STAG1: variants seen among roughly 807,000 people sequenced by gnomAD.
STAG1 encodes the protein STAG1 cohesin complex component.
STAG1 carries 26 observed loss-of-function variants against 170.9 expected under a neutral mutation model. That is an observed-to-expected ratio of 0.15 (90% CI 0.11 to 0.21). The LOEUF (loss-of-function observed/expected upper bound fraction) is 0.21. STAG1 is among the 10% of genes least tolerant of loss of function. The pLI is 1.00. For missense variants in STAG1, 964 were observed against 1,509.5 expected (o/e 0.64, Z 5.99); for synonymous variants, 514 against 497.7 (o/e 1.03, Z -0.44).
chr3:136,704,535 A>G (rs1576787856), intron 1 of STAG1, among the ~76,000 whole-genome samples: 1 of 152,124 alleles, frequency 6.6e-6, no homozygotes, highest in African/African-American at 2.4e-5. Context: ...TTGTTACAAA[A>G]GACAAAGAAT....
At chr3:136,498,392 CA>C (rs961430204) in intron 9 of STAG1, among the ~76,000 whole-genome samples, 37 of 137,828 alleles carry the variant, frequency 2.7e-4, no homozygotes, top group African/African-American at 6.9e-4. Context: ...GATCCGCCCA[CA>C]AAAAAAAAAC....
intron 16 of STAG1, among the ~76,000 whole-genome samples, chr3:136,431,901 T>C (rs2107744717): frequency 6.6e-6 from 1 of 152,310 alleles, no homozygotes; most frequent in Non-Finnish European, 1.5e-5. Context: ...ACTTTTGTGT[T>C]TATTTTATTT....
intron 13 of STAG1, among the ~76,000 whole-genome samples, chr3:136,464,372 G>A (rs561520489): frequency 7.3e-5 from 11 of 151,600 alleles, no homozygotes; most frequent in South Asian, 4.2e-4. Context: ...GTGGTGAGTC[G>A]AGACTGCACC....
At chr3:136,523,810 T>A (rs1372747795) in intron 6 of STAG1, among the ~76,000 whole-genome samples, 3 of 152,200 alleles carry the variant, frequency 2.0e-5, no homozygotes, top group Non-Finnish European at 4.4e-5. Context: ...GCTTTCTACA[T>A]GTGGCTAGCC....
At chr3:136,477,658 G>C (rs1475588871) in intron 9 of STAG1, among the ~76,000 whole-genome samples, 3 of 152,078 alleles carry the variant, frequency 2.0e-5, no homozygotes, top group African/African-American at 7.2e-5. Context: ...CACTGGGCTA[G>C]ACAATGACAT....
intron 6 of STAG1, among the ~76,000 whole-genome samples, chr3:136,521,973 C>A (rs899723553): frequency 6.6e-6 from 1 of 152,212 alleles, no homozygotes. Context: ...ATACACTGGA[C>A]TGATTAAGTT....
At chr3:136,564,590 T>C (rs978795801) in intron 5 of STAG1, among the ~76,000 whole-genome samples, 3 of 152,206 alleles carry the variant, frequency 2.0e-5, no homozygotes, top group Non-Finnish European at 2.9e-5. Context: ...TCTACTGATG[T>C]AAAAGACAGT....
intron 13 of STAG1, among the ~76,000 whole-genome samples, chr3:136,464,019 A>G (rs2089370961): frequency 6.6e-6 from 1 of 151,272 alleles, no homozygotes; most frequent in Non-Finnish European, 1.5e-5. Flanking sequence ...GTTTACATGC[A>G]TACACTCTCA....
chr3:136,694,942 G>GA (rs1942839879), intron 1 of STAG1, among the ~76,000 whole-genome samples: 1 of 152,102 alleles, frequency 6.6e-6, no homozygotes, highest in Non-Finnish European at 1.5e-5. Flanking sequence ...TGGCACCTGA[G>GA]AAATAGAAAA....
At chr3:136,674,566 C>T (rs1451468990) in intron 1 of STAG1, among the ~76,000 whole-genome samples, 1 of 152,122 alleles carries the variant, frequency 6.6e-6, no homozygotes, top group African/African-American at 2.4e-5. Context: ...TTCATCTTGA[C>T]TGGTGGTGGT....
chr3:136,616,727 C>T (rs546161942), intron 3 of STAG1, among the ~76,000 whole-genome samples: 89 of 152,178 alleles, frequency 5.8e-4, no homozygotes, highest in African/African-American at 2.0e-3. Flanking sequence ...GGCAACATGA[C>T]GAAACCTTGC....
intron 3 of STAG1, among the ~76,000 whole-genome samples, chr3:136,608,068 C>A (rs542657524): frequency 3.9e-5 from 6 of 152,004 alleles, no homozygotes; most frequent in Non-Finnish European, 8.8e-5. Context: ...ACCAGCCTGG[C>A]CAACATGGCA....
In STAG1 at chr3:136,727,579, T is replaced by C. The variant is rs191732310; in HGVS notation, c.-84+24616A>G. 1.9e-3 allele frequency among the ~76,000 whole-genome samples: 287 copies of C among 152,324 alleles called. 2 individuals are homozygous for C. Among genetic ancestry groups the C allele is most frequent in the Middle Eastern group, 0.01 (3 of 294 alleles). On this transcript the variant is annotated intron_variant, in intron 1 of 33. Coordinates refer to ENST00000383202, the MANE Select transcript of STAG1 (RefSeq NM_005862.3). ...CCTTTAATCTACCACCAGGTTGGCC[T>C]GAATATAGTTAAGGATGGAACTCTG... is the stretch of plus-strand genomic sequence containing the variant.
intron 6 of STAG1, 79 bp from the exon 7 acceptor site, chr3:136,521,496 A>G (rs1054323490): frequency 1.1e-5 from 13 of 1,226,008 alleles, no homozygotes; most frequent in Non-Finnish European, 1.5e-5. Flanking sequence ...TCCTACCTAC[A>G]TAGGAACCCT....
At chr3:136,477,528 G>T in intron 9 of STAG1, 116 bp from the exon 10 acceptor site, 1 of 893,442 alleles carries the variant, frequency 1.1e-6, no homozygotes, top group Non-Finnish European at 1.6e-6. Flanking sequence ...TTTGCATTCT[G>T]AATGGCCTCC....
chr3:136,702,101 G>A (rs1050412676), intron 1 of STAG1, among the ~76,000 whole-genome samples: 1 of 105,050 alleles, frequency 9.5e-6, no homozygotes, highest in African/African-American at 4.9e-5. Context: ...GAGAGAGAGA[G>A]AGAGAGAGAG....
rs1559933302 is a variant in STAG1, at chr3:136,655,904, C to T, written c.-83-24923G>A. Among the ~76,000 whole-genome samples the T allele has an allele frequency of 2.0e-5, 3 of 152,060 alleles. No individual in the cohort carries two copies. In the South Asian group the frequency reaches 6.2e-4, roughly 32 times the overall value. On this transcript the variant is annotated intron_variant, in intron 1 of 33. Transcript: ENST00000383202. ...ATTAAGAATAGACTTACCATACAAT[C>T]CAGCAATTTTACTTCTGGGTATGTA...
chr3:136,633,976 A>T (rs1576693762), intron 1 of STAG1, among the ~76,000 whole-genome samples: 1 of 139,178 alleles, frequency 7.2e-6, no homozygotes, highest in Admixed American at 7.3e-5. Context: ...AAAAAAAAAA[A>T]AAAAAAAAAA....
intron 13 of STAG1, among the ~76,000 whole-genome samples, chr3:136,453,364 G>A (rs1435022247): frequency 3.3e-5 from 5 of 152,126 alleles, no homozygotes; most frequent in Admixed American, 2.0e-4. Flanking sequence ...GGCCGAGGCA[G>A]GCAGATCATG....
Sources: allele counts gnomAD v4.1 joint callset (sites outside exome capture counted in the v4.1 genomes callset), GRCh38; gene constraint gnomAD v4.1.1; transcripts MANE v1.5; gene names NCBI Gene and HGNC (gene_info 2026-07-23, HGNC 2026-07-21).